Variants in SLC35D1 observed in about 807,000 individuals in gnomAD.
SLC35D1 encodes solute carrier family 35 member D1.
A neutral mutation model predicts 46.7 loss-of-function variants in SLC35D1; 31 were observed. The ratio of observed to expected loss-of-function variants is 0.66; its 90% CI spans 0.50 to 0.90. SLC35D1 has a LOEUF of 0.90. Ranked by LOEUF, SLC35D1 falls within the 40% of genes least tolerant of loss-of-function variation. SLC35D1 has a pLI of 0.00. For missense variants in SLC35D1, 397 were observed against 426.2 expected, an observed-to-expected ratio of 0.93 and a Z score of 0.60; for synonymous variants, 195 against 164.6, an observed-to-expected ratio of 1.18 and a Z score of -1.41.
At chr1:66,984,130 G>C in the SLC35D1 span, among the ~76,000 whole-genome samples, 2 of 152,208 alleles carry the variant, frequency 1.3e-5, no homozygotes, top group African/African-American at 4.8e-5. Flanking sequence ...TAAAGAAAGA[G>C]CATTCATCTT....
chr1:67,012,611 A>AT lies in SLC35D1; in HGVS notation c.877-3445dup, dbSNP rs113979532. Among the ~76,000 whole-genome samples the AT allele has an allele frequency of 3.8e-3, 566 of 149,682 alleles. 6 individuals carry two copies. Among genetic ancestry groups the AT allele is most frequent in the African/African-American group, 0.012 (476 of 40,726 alleles). ...TCTAAACAATTGATGAGAAGGTCAC[A>AT]TTTTTTTTTAGAAGACACACAATAG... On this transcript the variant is annotated intron_variant, in intron 10 of 11. Transcript: ENST00000235345.
At chr1:67,042,361 C>A in intron 7 of SLC35D1, 33 bp from the exon 8 acceptor site, 1 of 1,588,932 alleles carries the variant, frequency 6.3e-7, no homozygotes, top group Non-Finnish European at 8.6e-7. Flanking sequence ...GTTTCATCTG[C>A]GTTTTGTTCT....
the SLC35D1 span, chr1:66,976,725 G>T: frequency 1.3e-6 from 2 of 1,571,236 alleles, no homozygotes; most frequent in South Asian, 1.2e-5. Context: ...GGTGTAACGT[G>T]AGTTAATTTT....
In SLC35D1 at chr1:67,053,139, ACT is replaced by A. The variant is rs373850042; in HGVS notation, c.204-152_204-151del. 5.2e-4 allele frequency: 496 copies of A among 962,862 alleles called. 7 individuals are homozygous for A. In the East Asian group the frequency reaches 0.011, roughly 22 times the overall value. The allele number at this position is 962,862 out of a possible 1,614,324, so 59.6% of individuals were successfully genotyped here. A position where few individuals can be genotyped will look rare whatever the true frequency, so the allele number is the denominator to read the frequency against. On this transcript the variant is annotated intron_variant, in intron 1 of 11. Coordinates refer to ENST00000235345, the MANE Select transcript of SLC35D1 (RefSeq NM_015139.3). ...AATCAAACAAAAATCTTGGGAGAAA[ACT>A]CTCTGCCTGTTGGTTGTCAGTCCAC... is the stretch of plus-strand genomic sequence containing the variant.
downstream of SLC35D1, among the ~76,000 whole-genome samples, chr1:66,996,955 T>G (rs1037831469): frequency 3.3e-5 from 5 of 152,202 alleles, no homozygotes; most frequent in African/African-American, 1.2e-4. Context: ...AAGAATGAAG[T>G]TGGACCCTTA....
At chr1:66,989,787 T>TA in the SLC35D1 span, among the ~76,000 whole-genome samples, 6 of 152,178 alleles carry the variant, frequency 3.9e-5, no homozygotes, top group Non-Finnish European at 7.4e-5. Context: ...AAAGAAAACA[T>TA]ACGGGCCTTA....
At position 67,003,625 on chromosome 1, in the gene SLC35D1, T is replaced by G. The variant is rs1043322723; in HGVS notation, c.*715A>C. On this transcript the variant is annotated 3_prime_UTR_variant, in exon 12 of 12. Coordinates refer to ENST00000235345, the MANE Select transcript of SLC35D1 (RefSeq NM_015139.3). ...TGCCTGGCACATATACTTAAAACAT[T>G]TTAGTTGAATCAATAAGTCAAATAG... 2.0e-5 allele frequency: 3 copies of G among 152,924 alleles called. No individual in the cohort carries two copies. Among genetic ancestry groups the G allele is most frequent in the Non-Finnish European group, 4.4e-5 (3 of 68,524 alleles). The allele number at this position is 152,924 out of a possible 1,614,324, so 9.5% of individuals were successfully genotyped here.
Position 67,021,523 on chromosome 1 carries a change from A to T in SLC35D1, c.797+12T>A, listed in dbSNP as rs765030207. ...AGGAAAACTATCTGCTAACAAGGTA[A>T]CAAAGGCTTACCCCATCACACAGGA... On this transcript the variant is annotated intron_variant, in intron 9 of 11. Transcript: ENST00000235345. The T allele has an allele frequency of 1.2e-6, 2 of 1,613,874 alleles. No homozygotes were observed. Among genetic ancestry groups the T allele is most frequent in the Non-Finnish European group, 1.7e-6 (2 of 1,179,776 alleles).
the SLC35D1 span, chr1:66,988,723 C>T: frequency 6.6e-6 from 1 of 152,118 alleles, no homozygotes; most frequent in Admixed American, 6.5e-5. Flanking sequence ...TCTAATTGTC[C>T]AAATTGATGG....
chr1:67,046,081 C>T (rs1406720225), intron 7 of SLC35D1, among the ~76,000 whole-genome samples: 1 of 152,096 alleles, frequency 6.6e-6, no homozygotes, highest in African/African-American at 2.4e-5. Flanking sequence ...GAGGCCAAGA[C>T]ATGCATATTT....
At position 67,000,444 on chromosome 1, in the gene SLC35D1, C is replaced by T. The variant is rs951319865; in HGVS notation, c.*3896G>A. Reference sequence around the variant, plus strand: ...ATGTAATGGCCGTAATTGTGTCCAGCAGATATTTTTAAAAAAGAAAAGACA... The same window carrying T: ...ATGTAATGGCCGTAATTGTGTCCAGTAGATATTTTTAAAAAAGAAAAGACA... On this transcript the variant is annotated 3_prime_UTR_variant, in exon 12 of 12. Transcript: ENST00000235345. 1 of 152,070 alleles carries T rather than the reference C, an allele frequency of 6.6e-6. No individual in the cohort carries two copies. The highest frequency in any genetic ancestry group is 1.5e-5 in the Non-Finnish European group (1 of 67,988). The allele number at this position is 152,070 out of a possible 1,614,324, so 9.4% of individuals were successfully genotyped here.
At chr1:66,976,230 C>T in the SLC35D1 span, among the ~76,000 whole-genome samples, 1 of 151,134 alleles carries the variant, frequency 6.6e-6, no homozygotes, top group African/African-American at 2.5e-5. Flanking sequence ...TCTTGAACTC[C>T]TGACCTCGTG....
intron 10 of SLC35D1, among the ~76,000 whole-genome samples, chr1:67,012,932 T>A (rs1667597085): frequency 6.6e-6 from 1 of 152,042 alleles, no homozygotes; most frequent in Non-Finnish European, 1.5e-5. Context: ...GCATCCTTAG[T>A]TAAGTCATAA....
Position 67,028,857 on chromosome 1 carries a change from A to G in SLC35D1, c.730-7255T>C, listed in dbSNP as rs1269107229. Among the ~76,000 whole-genome samples the G allele has an allele frequency of 2.0e-5, 3 of 151,478 alleles. No individual in the cohort carries two copies. In the East Asian group the frequency reaches 5.8e-4, roughly 29 times the overall value. ...TCTGCTGTTTCATTCCTTCCACTTT[A>G]TTTTTCAATTCAGATATTTTTCATC... On this transcript the variant is annotated intron_variant, in intron 8 of 11. Coordinates refer to ENST00000235345, the MANE Select transcript of SLC35D1 (RefSeq NM_015139.3).
downstream of SLC35D1, among the ~76,000 whole-genome samples, chr1:66,995,805 T>G (rs1667232958): frequency 1.3e-5 from 2 of 152,212 alleles, no homozygotes; most frequent in Non-Finnish European, 2.9e-5. Flanking sequence ...CCTCCTCCCA[T>G]ACATTCATAT....
the SLC35D1 span, among the ~76,000 whole-genome samples, chr1:66,981,256 A>G: frequency 2.6e-5 from 4 of 152,184 alleles, no homozygotes; most frequent in African/African-American, 9.7e-5. Context: ...GGATAAAACC[A>G]GCAGATAATC....
chr1:66,985,829 T>C, the SLC35D1 span: 1 of 859,518 alleles, frequency 1.2e-6, no homozygotes, highest in African/African-American at 1.8e-5. Context: ...TTTTTTTTTT[T>C]TTTTTTTTAA....
At chr1:67,039,470 CTTTA>C (rs1182235030) in intron 8 of SLC35D1, among the ~76,000 whole-genome samples, 3 of 148,272 alleles carry the variant, frequency 2.0e-5, no homozygotes, top group South Asian at 2.2e-4. Flanking sequence ...TTTTTCCAGA[CTTTA>C]TTTAAATAAG....
chr1:67,047,740 G>A (rs551509201), intron 6 of SLC35D1, among the ~76,000 whole-genome samples: 2 of 152,274 alleles, frequency 1.3e-5, no homozygotes, highest in African/African-American at 4.8e-5. Context: ...AAAAGGATGA[G>A]GCCATTAACA....
Sources: gnomAD v4.1 joint callset for allele counts (sites outside exome capture counted in the v4.1 genomes callset) on GRCh38, gnomAD v4.1.1 for gene constraint, MANE v1.5 for transcripts, NCBI Gene and HGNC (gene_info 2026-07-23, HGNC 2026-07-21) for gene names.